Variants in KCND3 observed in about 807,000 individuals in gnomAD.
KCND3 encodes potassium voltage-gated channel subfamily D member 3.
KCND3 carries 9 observed loss-of-function variants against 51.1 expected under a neutral mutation model. That is an observed-to-expected ratio of 0.18 (90% CI 0.11 to 0.31). The LOEUF (loss-of-function observed/expected upper bound fraction) is 0.31. Among genes scored for constraint, KCND3 ranks in the 10% least tolerant of loss-of-function variants. KCND3 has a pLI of 1.00. For missense variants in KCND3, 526 were observed against 903.8 expected (o/e 0.58, Z 5.36); for synonymous variants, 349 against 368.0 (o/e 0.95, Z 0.59).
At chr1:111,874,282 C>T (rs189733944) in intron 2 of KCND3, among the ~76,000 whole-genome samples, 42 of 152,344 alleles carry the variant, frequency 2.8e-4, no homozygotes, top group Admixed American at 5.2e-4. Context: ...TTGCATGGAC[C>T]GCTGAGGAGT....
rs10157282 is a variant in KCND3 at position 111,845,370 on chromosome 1, A to G, written c.1107-58264T>C. Reference sequence around the variant, plus strand: ...CTCTTCTCCTACTCCATCCACTCCCAGCTACATGCAGATGATGTCAAGATT... The same window carrying G: ...CTCTTCTCCTACTCCATCCACTCCCGGCTACATGCAGATGATGTCAAGATT... On this transcript the variant is annotated intron_variant, in intron 2 of 7. Coordinates refer to ENST00000302127, the MANE Select transcript of KCND3 (RefSeq NM_001378969.1). Among the ~76,000 whole-genome samples, 737 of 152,220 alleles carry G rather than the reference A, an allele frequency of 4.8e-3. 6 individuals carry two copies. Among genetic ancestry groups the G allele is most frequent in the African/African-American group, 0.017 (708 of 41,530 alleles).
intron 2 of KCND3, among the ~76,000 whole-genome samples, chr1:111,877,850 A>G (rs774900947): frequency 6.6e-6 from 1 of 152,220 alleles, no homozygotes; most frequent in Non-Finnish European, 1.5e-5. Context: ...ATATTCAACT[A>G]GCAGAAAACC....
chr1:111,780,318 G>A lies in KCND3; in HGVS notation c.1372-4C>T, dbSNP rs747160429. ...TGTGCTCCTCTTCTGGGGTGCCCTA[G>A]TAAAAAAAGAAGAGAGATTGAGTAA... On this transcript the variant is annotated splice_polypyrimidine_tract_variant and splice_region_variant and intron_variant, in intron 4 of 7. Coordinates refer to ENST00000302127, the MANE Select transcript of KCND3 (RefSeq NM_001378969.1). The surrounding 1 kb of genome is among the most constrained non-coding windows in gnomAD (Gnocchi z 4.2). The A allele has an allele frequency of 9.2e-5, 144 of 1,560,178 alleles. No individual in the cohort carries two copies. The highest frequency in any genetic ancestry group is 1.1e-4 in the Non-Finnish European group (131 of 1,151,022).
intron 2 of KCND3, among the ~76,000 whole-genome samples, chr1:111,824,956 T>C (rs912562038): frequency 2.6e-5 from 4 of 152,178 alleles, no homozygotes; most frequent in African/African-American, 9.7e-5. Context: ...CAGCACTTGT[T>C]GTCTCAGTGA....
intron 2 of KCND3, among the ~76,000 whole-genome samples, chr1:111,812,137 G>A (rs1012228424): frequency 7.2e-5 from 11 of 152,184 alleles, no homozygotes; most frequent in African/African-American, 2.7e-4. Context: ...GATGCTCAGT[G>A]AGCAGCAGCC....
rs768263280 is a variant in KCND3 at position 111,955,320 on chromosome 1, G to A, written c.1106+26301C>T. Among the ~76,000 whole-genome samples the A allele has an allele frequency of 3.3e-5, 5 of 152,098 alleles. No individual in the cohort carries two copies. The South Asian group carries it at 6.2e-4, about 19-fold the overall frequency. On this transcript the variant is annotated intron_variant, in intron 2 of 7. Transcript: ENST00000302127. ...TCCCTGCTACTTAGGAGGCTGGGGC[G>A]AGAGGACTGCTAGAGCCCAGGAGGT...
chr1:111,911,601 A>G (rs964934330), intron 2 of KCND3, among the ~76,000 whole-genome samples: 1 of 152,228 alleles, frequency 6.6e-6, no homozygotes, highest in Non-Finnish European at 1.5e-5. Context: ...ACTGTTGACC[A>G]GGGCTCAAAT....
intron 2 of KCND3, among the ~76,000 whole-genome samples, chr1:111,966,459 G>T (rs1026594774): frequency 2.6e-5 from 4 of 152,096 alleles, no homozygotes; most frequent in African/African-American, 9.7e-5. Context: ...CAGAAGAAGG[G>T]GTGAGAGCTC....
intron 2 of KCND3, among the ~76,000 whole-genome samples, chr1:111,847,479 C>A (rs766591688): frequency 8.5e-5 from 13 of 152,166 alleles, no homozygotes; most frequent in Admixed American, 7.9e-4. Flanking sequence ...ACACGTCAGG[C>A]AGGGCAGCCC....
In KCND3 at chr1:111,794,061, C is replaced by T. The variant is rs866151390; in HGVS notation, c.1107-6955G>A. On this transcript the variant is annotated intron_variant, in intron 2 of 7. Transcript: ENST00000302127. The stretch of plus-strand genomic sequence containing the variant: ...CTGGGGCCAGTGTGGAGGCAGCTGT[C>T]GCCCTGAGCAGGTGGGGCTCAGGGA... Among the ~76,000 whole-genome samples, 5 of 152,140 alleles carry T rather than the reference C, an allele frequency of 3.3e-5. No homozygotes were observed. The South Asian group carries it at 1.0e-3, about 32-fold the overall frequency.
intron 2 of KCND3, among the ~76,000 whole-genome samples, chr1:111,974,128 T>C (rs1010469857): frequency 7.9e-5 from 12 of 152,030 alleles, no homozygotes; most frequent in African/African-American, 2.7e-4. Flanking sequence ...ATTGAGCTAG[T>C]TGGAGGGAGG....
intron 2 of KCND3, among the ~76,000 whole-genome samples, chr1:111,804,429 A>G (rs534197577): frequency 2.0e-5 from 3 of 152,278 alleles, no homozygotes; most frequent in South Asian, 2.1e-4. Flanking sequence ...TCCCTTTACA[A>G]CATTTCTGCT....
intron 2 of KCND3, among the ~76,000 whole-genome samples, chr1:111,957,329 C>T (rs1479776880): frequency 2.6e-5 from 4 of 152,178 alleles, no homozygotes; most frequent in Non-Finnish European, 4.4e-5. Flanking sequence ...TTCATCCGGC[C>T]CCACCCGAGG....
intron 3 of KCND3, among the ~76,000 whole-genome samples, chr1:111,783,214 A>AAG (rs1359442045): frequency 1.3e-5 from 2 of 151,768 alleles, no homozygotes; most frequent in African/African-American, 4.8e-5. Flanking sequence ...AAAAAAAAAA[A>AAG]AAAAAAGGAG....
chr1:111,840,756 T>G (rs550163353), intron 2 of KCND3, among the ~76,000 whole-genome samples: 1 of 152,294 alleles, frequency 6.6e-6, no homozygotes, highest in African/African-American at 2.4e-5. Context: ...AGACTCTCCC[T>G]TTATAAAGCC....
intron 2 of KCND3, among the ~76,000 whole-genome samples, chr1:111,797,831 A>C (rs1343628382): frequency 6.6e-6 from 1 of 152,222 alleles, no homozygotes; most frequent in Non-Finnish European, 1.5e-5. Context: ...TCCTGAAATC[A>C]GCAGATTTCC....
intron 2 of KCND3, among the ~76,000 whole-genome samples, chr1:111,828,145 G>A (rs964843476): frequency 2.6e-5 from 4 of 152,294 alleles, no homozygotes; most frequent in African/African-American, 9.6e-5. Context: ...ATCTGGAGTG[G>A]GAAGCAACTC....
chr1:111,911,377 T>G (rs1334339037), intron 2 of KCND3, among the ~76,000 whole-genome samples: 1 of 152,158 alleles, frequency 6.6e-6, no homozygotes, highest in African/African-American at 2.4e-5. Flanking sequence ...AAAAAAGTAT[T>G]TGTTGGGGCC....
At chr1:111,783,293 C>T (rs1292530396) in intron 3 of KCND3, among the ~76,000 whole-genome samples, 3 of 151,260 alleles carry the variant, frequency 2.0e-5, no homozygotes, top group Non-Finnish European at 4.4e-5. Context: ...GGACCTCCAA[C>T]TTTCAGACCA....
Sources: gnomAD v4.1 joint callset for allele counts (sites outside exome capture counted in the v4.1 genomes callset) on GRCh38, gnomAD v4.1.1 for gene constraint, Gnocchi (gnomAD v3.1) non-coding constraint, MANE v1.5 for transcripts, NCBI Gene and HGNC (gene_info 2026-07-23, HGNC 2026-07-21) for gene names.